Variants in GPR137B observed in about 807,000 individuals in gnomAD.
The protein encoded by GPR137B is G protein-coupled receptor 137B.
A neutral mutation model predicts 42.5 loss-of-function variants in GPR137B; 42 were observed. The ratio of observed to expected loss-of-function variants is 0.99; its 90% CI spans 0.77 to 1.28. The LOEUF (loss-of-function observed/expected upper bound fraction) is 1.28. Among genes scored for constraint, GPR137B ranks in the 50% most tolerant of loss-of-function variants. The pLI is 0.00. For synonymous variants in GPR137B, 218 were observed against 209.7 expected, an observed-to-expected ratio of 1.04 and a Z score of -0.34; for missense variants, 487 against 493.9, an observed-to-expected ratio of 0.99 and a Z score of 0.13.
chr1:236,192,437 AGTTTTGTGCTTG>A (rs1663217521), intron 5 of GPR137B, among the ~76,000 whole-genome samples: 1 of 151,792 alleles, frequency 6.6e-6, no homozygotes, highest in South Asian at 2.1e-4. Context: ...ATGGCCGCCC[AGTTTTGTGCTTG>A]AAACCTAGGG....
chr1:236,193,369 C>T (rs1448810980), intron 5 of GPR137B, among the ~76,000 whole-genome samples: 1 of 152,034 alleles, frequency 6.6e-6, no homozygotes, highest in Non-Finnish European at 1.5e-5. Context: ...CATATGTTTT[C>T]ATTTCTCTCG....
chr1:236,195,674 C>T (rs934797414), intron 5 of GPR137B, among the ~76,000 whole-genome samples: 2 of 152,194 alleles, frequency 1.3e-5, no homozygotes, highest in African/African-American at 4.8e-5. Flanking sequence ...TTTTGAGGAA[C>T]TGCCAAACTG....
At chr1:236,207,999 A>G (rs748095189) in intron 6 of GPR137B, 51 bp from the exon 7 acceptor site, 1 of 1,318,606 alleles carries the variant, frequency 7.6e-7, no homozygotes, top group Non-Finnish European at 1.1e-6. Context: ...AGACTATGTC[A>G]TACATACTAT....
chr1:236,142,928 C>T lies in GPR137B; in HGVS notation c.306C>T (p.Asp102=), dbSNP rs1661567817. 1 of 1,614,084 alleles carries T rather than the reference C, an allele frequency of 6.2e-7. No individual in the cohort carries two copies. The highest frequency in any genetic ancestry group is 1.1e-5 in the South Asian group (1 of 91,094). ...TCCTCTTCTCCTTCTACTTCAAAGA[C>T]TTCGTGGCGGCCAATTCGCTCAGCC... is the stretch of plus-strand genomic sequence containing the variant. ...RTVLFSFYFK[D]FVAANSLSPF... The change falls in exon 1 of 7, where the codon GAC becomes GAT. Residue 102 remains aspartate, a synonymous_variant. Coordinates refer to ENST00000366592, the MANE Select transcript of GPR137B (RefSeq NM_003272.4).
At chr1:236,186,858 T>C (rs567728572) in intron 5 of GPR137B, among the ~76,000 whole-genome samples, 1 of 152,330 alleles carries the variant, frequency 6.6e-6, no homozygotes, top group African/African-American at 2.4e-5. Flanking sequence ...CCTTTGGGTA[T>C]ATACCCAGTA....
At chr1:236,164,218 C>T (rs1267160386) in intron 1 of GPR137B, among the ~76,000 whole-genome samples, 1 of 152,228 alleles carries the variant, frequency 6.6e-6, no homozygotes, top group African/African-American at 2.4e-5. Flanking sequence ...GATGCAGACT[C>T]AGTGCTGAGT....
In GPR137B at chr1:236,155,576, G is replaced by T. The variant is rs1280720891; in HGVS notation, c.414+12540G>T. ...CGTCTCCTCGCGGGCTGCCTGCTGGGCTGACTTATCAATGTGGGGGCTCAG... is the reference window on the plus strand; with the variant it reads ...CGTCTCCTCGCGGGCTGCCTGCTGGTCTGACTTATCAATGTGGGGGCTCAG... On this transcript the variant is annotated intron_variant, in intron 1 of 6. Transcript: ENST00000366592. The surrounding 1 kb of genome is among the most constrained non-coding windows in gnomAD (Gnocchi z 4.6). 1.3e-5 allele frequency among the ~76,000 whole-genome samples: 2 copies of T among 152,130 alleles called. No individual in the cohort carries two copies. Among genetic ancestry groups the T allele is most frequent in the Non-Finnish European group, 2.9e-5 (2 of 68,014 alleles).
At chr1:236,173,918 C>T (rs773779280) in intron 2 of GPR137B, among the ~76,000 whole-genome samples, 13 of 143,302 alleles carry the variant, frequency 9.1e-5, no homozygotes, top group Non-Finnish European at 1.5e-4. Context: ...AAAGTGATAA[C>T]AAGGATATTA....
At chr1:236,177,564 GT>G (rs5781864) in intron 2 of GPR137B, among the ~76,000 whole-genome samples, 78,522 of 150,868 alleles carry the variant, frequency 0.52, 22,201 homozygotes, top group East Asian at 0.79. Flanking sequence ...TTTTGTTTTT[GT>G]TTTTTTTTGA....
At chr1:236,176,897 G>A (rs1403816965) in intron 2 of GPR137B, among the ~76,000 whole-genome samples, 1 of 152,120 alleles carries the variant, frequency 6.6e-6, no homozygotes, top group African/African-American at 2.4e-5. Flanking sequence ...CGTCTGTTTT[G>A]TTATAAACTG....
At chr1:236,159,660 A>G (rs1019334517) in intron 1 of GPR137B, among the ~76,000 whole-genome samples, 7 of 152,164 alleles carry the variant, frequency 4.6e-5, no homozygotes, top group Non-Finnish European at 1.0e-4. Context: ...CGGGAGTTCA[A>G]AGGGTGGGAA....
chr1:236,143,919 A>G (rs1225357323), intron 1 of GPR137B, among the ~76,000 whole-genome samples: 3 of 152,140 alleles, frequency 2.0e-5, no homozygotes, highest in Non-Finnish European at 4.4e-5. Flanking sequence ...CATCATCGTC[A>G]TCATCATCTC....
chr1:236,164,477 G>A (rs1174126258), intron 1 of GPR137B, among the ~76,000 whole-genome samples: 1 of 152,194 alleles, frequency 6.6e-6, no homozygotes, highest in Non-Finnish European at 1.5e-5. Context: ...AAGGTCAGTG[G>A]GAGCCAGTGC....
chr1:236,152,058 TA>T (rs1322250134), intron 1 of GPR137B, among the ~76,000 whole-genome samples: 2 of 152,150 alleles, frequency 1.3e-5, no homozygotes, highest in Admixed American at 6.5e-5. Context: ...AGCACACATC[TA>T]TCCATGCGAG....
chr1:236,178,755 T>G (rs1479387545), intron 3 of GPR137B, 119 bp downstream of exon 3: 1 of 555,714 alleles, frequency 1.8e-6, no homozygotes, highest in Non-Finnish European at 3.4e-6. Context: ...TTTCTCCGTT[T>G]TATTGTCTCC....
chr1:236,147,963 G>A (rs1384860875), intron 1 of GPR137B, among the ~76,000 whole-genome samples: 2 of 152,198 alleles, frequency 1.3e-5, no homozygotes. Context: ...CAAATGTTTG[G>A]AACATGGAGT....
In GPR137B at chr1:236,163,793, A is replaced by G. The variant is rs548608812; in HGVS notation, c.415-4913A>G. On this transcript the variant is annotated intron_variant, in intron 1 of 6. Transcript: ENST00000366592. ...AACTTCTTTTTCTTCCCAGTCTCAG[A>G]TATGTCTTCATCAGCAGCATGAAAA... Among the ~76,000 whole-genome samples, 85 of 152,244 alleles carry G rather than the reference A, an allele frequency of 5.6e-4. 2 individuals are homozygous for G. Among genetic ancestry groups the G allele is most frequent in the Middle Eastern group, 6.8e-3 (2 of 294 alleles).
intron 5 of GPR137B, among the ~76,000 whole-genome samples, chr1:236,194,011 A>G (rs1663269399): frequency 6.6e-6 from 1 of 152,230 alleles, no homozygotes; most frequent in Non-Finnish European, 1.5e-5. Flanking sequence ...GTGTGAAAGC[A>G]GGACACATTC....
chr1:236,177,764 C>G (rs1009365554), intron 2 of GPR137B, among the ~76,000 whole-genome samples: 7 of 151,824 alleles, frequency 4.6e-5, no homozygotes, highest in African/African-American at 1.5e-4. Flanking sequence ...CCATGTTGGC[C>G]AGGCTGGTCT....
Sources: gnomAD v4.1 joint callset for allele counts (sites outside exome capture counted in the v4.1 genomes callset) on GRCh38, gnomAD v4.1.1 for gene constraint, Gnocchi (gnomAD v3.1) non-coding constraint, MANE v1.5 for transcripts, NCBI Gene and HGNC (gene_info 2026-07-23, HGNC 2026-07-21) for gene names.